The following MIPOL1 variants were observed in gnomAD, a reference collection of about 807,000 sequenced individuals.
The protein encoded by MIPOL1 is mirror-image polydactyly 1, also known as mirror-image polydactyly gene 1 protein.
Under a neutral mutation model 60.9 loss-of-function variants are expected in MIPOL1, and 57 were observed. That is an observed-to-expected ratio of 0.94 (90% confidence interval 0.76 to 1.17). The LOEUF (loss-of-function observed/expected upper bound fraction) is 1.17. Ranked by LOEUF, MIPOL1 falls within the 50% of genes most tolerant of loss-of-function variation. The pLI, the probability that MIPOL1 is intolerant of heterozygous loss-of-function variation, is 0.00. For synonymous variants in MIPOL1, 179 were observed against 168.8 expected (o/e 1.06, Z -0.47); for missense variants, 551 against 511.6 (o/e 1.08, Z -0.74).
At chr14:37,362,749 C>T (rs2092319966) in intron 9 of MIPOL1, among the ~76,000 whole-genome samples, 1 of 152,158 alleles carries the variant, frequency 6.6e-6, no homozygotes, top group Non-Finnish European at 1.5e-5. Flanking sequence ...GTACACCAAT[C>T]AAATGTAGAT....
intron 12 of MIPOL1, chr14:37,502,992 G>A (rs2095236245): frequency 6.6e-6 from 1 of 152,144 alleles, no homozygotes; most frequent in Non-Finnish European, 1.5e-5. Flanking sequence ...GCTTCAATAG[G>A]CGATGCAATC....
intron 7 of MIPOL1, among the ~76,000 whole-genome samples, chr14:37,295,819 C>A (rs183885373): frequency 1.4e-3 from 207 of 152,196 alleles, no homozygotes; most frequent in Admixed American, 2.5e-3. Flanking sequence ...CCTTAGTGAC[C>A]TACAAAATGA....
chr14:37,284,105 A>G (rs536779116), intron 6 of MIPOL1, among the ~76,000 whole-genome samples: 162 of 152,298 alleles, frequency 1.1e-3, no homozygotes, highest in South Asian at 2.3e-3. Flanking sequence ...TTTAGATAAC[A>G]TTAAACCTCC....
chr14:37,311,921 G>T (rs981019070), intron 9 of MIPOL1, among the ~76,000 whole-genome samples: 1 of 151,990 alleles, frequency 6.6e-6, no homozygotes, highest in African/African-American at 2.4e-5. Context: ...TCTAGTCTCT[G>T]GTCTGTGACA....
rs568079136 is a variant in MIPOL1 at position 37,375,907 on chromosome 14, T to C, written c.936+6283T>C. Among the ~76,000 whole-genome samples the C allele has an allele frequency of 6.8e-4, 104 of 152,278 alleles. 1 individual carries two copies. The highest frequency in any genetic ancestry group is 2.7e-3 in the Admixed American group (41 of 15,280). On this transcript the variant is annotated intron_variant, in intron 10 of 12. Transcript: ENST00000684589. ...GTTTTCTGTCACCATATCTCCATTTTTTTTCCTCTTTGTTTGCTCTTCCTT... is the reference window on the plus strand; with the variant it reads ...GTTTTCTGTCACCATATCTCCATTTCTTTTCCTCTTTGTTTGCTCTTCCTT...
chr14:37,286,963 T>A (rs1223629375), intron 7 of MIPOL1, among the ~76,000 whole-genome samples: 3 of 152,154 alleles, frequency 2.0e-5, no homozygotes, highest in African/African-American at 7.2e-5. Flanking sequence ...CAATTCATTC[T>A]CTATATGTTG....
rs111241353 is a variant in MIPOL1 at position 37,293,670 on chromosome 14, C to T, written c.623+8223C>T. Among the ~76,000 whole-genome samples the T allele has an allele frequency of 6.2e-3, 943 of 152,278 alleles. 7 individuals carry two copies. Among genetic ancestry groups the T allele is most frequent in the African/African-American group, 0.02 (818 of 41,560 alleles). ...CACACCAGGAGATTATATCCCACAC[C>T]TAGATCGGAGGGTCCTATGCCCACG... On this transcript the variant is annotated intron_variant, in intron 7 of 12. Coordinates refer to ENST00000684589, the MANE Select transcript of MIPOL1 (RefSeq NM_001388067.1).
rs368892684 is a variant in MIPOL1 at position 37,547,000 on chromosome 14, G to A, written c.*29G>A. On this transcript the variant is annotated 3_prime_UTR_variant, in exon 13 of 13. Coordinates refer to ENST00000684589, the MANE Select transcript of MIPOL1 (RefSeq NM_001388067.1). ...AAAAAAAACGACAGTCTGGGGAAGC[G>A]ATCACATCTGGTGACCAGGCTGCTT... is the stretch of plus-strand genomic sequence containing the variant. The A allele has an allele frequency of 6.3e-5, 101 of 1,596,058 alleles. 1 individual carries two copies. In the Middle Eastern group the frequency reaches 8.3e-4, roughly 13 times the overall value.
intron 12 of MIPOL1, chr14:37,501,925 C>G (rs1176845965): frequency 6.6e-6 from 1 of 152,348 alleles, no homozygotes; most frequent in Non-Finnish European, 1.5e-5. Flanking sequence ...GTCTTACCAA[C>G]CTGCAGACCA....
chr14:37,341,321 A>T (rs1438336998), intron 9 of MIPOL1, among the ~76,000 whole-genome samples: 1 of 152,214 alleles, frequency 6.6e-6, no homozygotes, highest in Admixed American at 6.5e-5. Context: ...AAGCTACAGT[A>T]TGCCTATAGC....
At chr14:37,407,200 A>T (rs2153535496) in intron 10 of MIPOL1, among the ~76,000 whole-genome samples, 1 of 152,318 alleles carries the variant, frequency 6.6e-6, no homozygotes, top group African/African-American at 2.4e-5. Context: ...CTCTGGAGTT[A>T]ATGACAATAG....
chr14:37,273,305 G>T (rs2083427501), intron 6 of MIPOL1, among the ~76,000 whole-genome samples: 1 of 150,472 alleles, frequency 6.6e-6, no homozygotes, highest in African/African-American at 2.4e-5. Flanking sequence ...AACAGTTTCT[G>T]CCTTTTTCAG....
intron 9 of MIPOL1, among the ~76,000 whole-genome samples, chr14:37,364,832 A>G (rs527468987): frequency 1.1e-4 from 16 of 152,238 alleles, no homozygotes; most frequent in African/African-American, 3.6e-4. Flanking sequence ...CATTTTTACA[A>G]TATTGACTCT....
At chr14:37,230,244 C>T (rs1292915144) in intron 1 of MIPOL1, among the ~76,000 whole-genome samples, 2 of 152,100 alleles carry the variant, frequency 1.3e-5, no homozygotes, top group Admixed American at 1.3e-4. Flanking sequence ...TTTTGATAAT[C>T]TTAAACCTGC....
intron 7 of MIPOL1, among the ~76,000 whole-genome samples, chr14:37,287,953 A>G (rs772177810): frequency 1.1e-4 from 16 of 152,032 alleles, no homozygotes; most frequent in Non-Finnish European, 2.1e-4. Flanking sequence ...AATTGTTTCA[A>G]TTGACAAGAT....
intron 12 of MIPOL1, chr14:37,507,712 C>G (rs1353569176): frequency 1.3e-5 from 2 of 152,046 alleles, no homozygotes; most frequent in African/African-American, 4.8e-5. Flanking sequence ...ATGTAGCAAA[C>G]CTGCACATTG....
chr14:37,437,152 A>G (rs1438224405), intron 11 of MIPOL1, among the ~76,000 whole-genome samples: 1 of 152,156 alleles, frequency 6.6e-6, no homozygotes, highest in East Asian at 1.9e-4. Context: ...GTTTTATGAC[A>G]ATCAGTATTC....
At chr14:37,349,084 G>A (rs1212858639) in intron 9 of MIPOL1, among the ~76,000 whole-genome samples, 4 of 147,252 alleles carry the variant, frequency 2.7e-5, no homozygotes, top group Admixed American at 7.0e-5. Context: ...CACCTCCCAG[G>A]TTCAAGCGAT....
intron 11 of MIPOL1, among the ~76,000 whole-genome samples, chr14:37,480,868 G>A (rs1594617503): frequency 6.6e-6 from 1 of 152,198 alleles, no homozygotes; most frequent in Non-Finnish European, 1.5e-5. Context: ...GCTGGGTGCA[G>A]TGGTTCATGT....
Sources: allele counts gnomAD v4.1 joint callset (sites outside exome capture counted in the v4.1 genomes callset), GRCh38; gene constraint gnomAD v4.1.1; transcripts MANE v1.5; gene names NCBI Gene and HGNC (gene_info 2026-07-23, HGNC 2026-07-21).